NEB: variants seen among roughly 807,000 people sequenced by gnomAD.
NEB encodes nebulin.
NEB carries 512 observed loss-of-function variants against 952.2 expected under a neutral mutation model. The ratio of observed to expected loss-of-function variants is 0.54; its 90% CI spans 0.50 to 0.58. NEB has a LOEUF of 0.58. Ranked by LOEUF, NEB falls within the 20% of genes least tolerant of loss-of-function variation. NEB has a pLI of 0.00. For missense variants in NEB, 8,428 were observed against 9,231.1 expected (o/e 0.91, Z 3.56); for synonymous variants, 2,900 against 3,149.8 (o/e 0.92, Z 2.66).
intron 27 of NEB, 90 bp from the exon 28 acceptor site, chr2:151,685,065 T>C: frequency 1.5e-6 from 2 of 1,317,110 alleles, no homozygotes; most frequent in Non-Finnish European, 2.1e-6. Context: ...AAATACAAGT[T>C]AGAGAAAGAG....
chr2:151,730,615 T>TAAAAAA (rs1559717111), intron 3 of NEB, among the ~76,000 whole-genome samples: 1 of 73,556 alleles, frequency 1.4e-5, no homozygotes, highest in African/African-American at 4.1e-5. Context: ...CATTTCTTAG[T>TAAAAAA]GAAAAAAAAA....
intron 116 of NEB, 107 bp from the exon 117 acceptor site, chr2:151,565,255 C>G (rs1422647275): frequency 1.7e-5 from 12 of 715,186 alleles, no homozygotes; most frequent in African/African-American, 1.4e-4. Context: ...AACTAACCAA[C>G]TGGTTGAATT....
intron 32 of NEB, 64 bp downstream of exon 32, chr2:151,679,657 T>C (rs1576074164): frequency 1.3e-6 from 1 of 761,812 alleles, no homozygotes; most frequent in Admixed American, 1.9e-5. Context: ...TGGGTCATCG[T>C]CAGACCCCAA....
rs771483221 is a variant in NEB, at chr2:151,551,770, G to A, written c.19912C>T (p.Arg6638Trp). 74 of 1,613,444 alleles carry A rather than the reference G, an allele frequency of 4.6e-5. No homozygotes were observed. The highest frequency in any genetic ancestry group is 1.6e-4 in the Middle Eastern group (1 of 6,078). Residue 6638 changes from arginine (R) to tryptophan (W), a missense_variant, in exon 129 of 182, where the codon CGG (arginine) becomes TGG (tryptophan). Around this residue, in one of 11 missense-constraint regions of NEB, gnomAD observed 3,374 missense variants for 3,651.5 expected, o/e 0.92. Transcript: ENST00000397345. ...TGGAGCTTGTATGCATGAAGGGCCC[G>A]GTCCAGATCCACGGTTTTGGTAGTT... ...APTTKTVDLD[R>W]ALHAYKLQSS...
In NEB at chr2:151,724,955, A is replaced by G; in HGVS notation, c.409T>C (p.Tyr137His). The change falls in exon 7 of 182, where the codon TAT (tyrosine) becomes CAT (histidine). Residue 137 changes from tyrosine to histidine, a missense_variant. By Grantham distance (83) the Tyr-to-His change is moderately conservative. Coordinates refer to ENST00000397345, the MANE Select transcript of NEB (RefSeq NM_001164508.2). ...KVQDQLSEVK[Y>H]RMDGDVAKTI... ...TTAGCAACATCACCATCCATTCGATACTTAACCTGCCCAAATAATGCACAG... is the reference window on the plus strand; with the variant it reads ...TTAGCAACATCACCATCCATTCGATGCTTAACCTGCCCAAATAATGCACAG... 2 of 1,613,144 alleles carry G rather than the reference A, an allele frequency of 1.2e-6. No homozygotes were observed. The highest frequency in any genetic ancestry group is 1.7e-6 in the Non-Finnish European group (2 of 1,179,306).
chr2:151,711,666 T>C (rs1169052395), intron 10 of NEB, among the ~76,000 whole-genome samples: 1 of 152,198 alleles, frequency 6.6e-6, no homozygotes, highest in African/African-American at 2.4e-5. Context: ...CAAATATGAT[T>C]GTTTTCTCAG....
intron 28 of NEB, among the ~76,000 whole-genome samples, chr2:151,683,186 T>G (rs890244773): frequency 6.6e-6 from 1 of 152,218 alleles, no homozygotes; most frequent in Non-Finnish European, 1.5e-5. Flanking sequence ...TTTTCTAATT[T>G]CCTAATTGTA....
At chr2:151,640,843 A>G (rs1263986464) in intron 60 of NEB, among the ~76,000 whole-genome samples, 177 bp from the exon 61 acceptor site, 1 of 151,952 alleles carries the variant, frequency 6.6e-6, no homozygotes. Flanking sequence ...TATGAAATAT[A>G]TATCTTATAT....
At chr2:151,650,400 C>A (rs1292957405) in intron 53 of NEB, 21 bp from the exon 54 acceptor site, 2 of 1,604,806 alleles carry the variant, frequency 1.2e-6, no homozygotes, top group East Asian at 2.2e-5. Flanking sequence ...ACAGAGCAAG[C>A]CATCAAAATC....
rs767119043 is a variant in NEB at position 151,644,091 on chromosome 2, G to A, written c.7683C>T (p.His2561=). 1 of 1,613,960 alleles carries A rather than the reference G, an allele frequency of 6.2e-7. No individual in the cohort carries two copies. The highest frequency in any genetic ancestry group is 1.1e-5 in the South Asian group (1 of 91,072). The change falls in exon 57 of 182, where the codon CAC becomes CAT. Residue 2561 remains histidine, a synonymous_variant. Transcript: ENST00000397345. ...YKEGFRKQLG[H]HIGARNIEDD... is the part of the protein sequence containing the mutation. ...CTTCAATGTTCCGGGCACCAATGTG[G>A]TGGCCGAGCTGCTTGCGAAAGCCTT...
At position 151,679,890 on chromosome 2, in the gene NEB, G is replaced by A. The variant is rs769182402; in HGVS notation, c.3147+28C>T. ...CTGTGTTAGTAAAGTCTGGACATAC[G>A]CATCAGCCCGTGAGTCCACCCACGC... On this transcript the variant is annotated intron_variant, in intron 31 of 181. Coordinates refer to ENST00000397345, the MANE Select transcript of NEB (RefSeq NM_001164508.2). 1.3e-5 allele frequency: 21 copies of A among 1,604,424 alleles called. No homozygotes were observed. In the East Asian group the frequency reaches 2.0e-4, roughly 15 times the overall value.
chr2:151,540,614 C>T (rs1201413865), intron 137 of NEB, 83 bp downstream of exon 137: 1 of 1,283,642 alleles, frequency 7.8e-7, no homozygotes, highest in East Asian at 2.4e-5. Flanking sequence ...GTAATGAGCT[C>T]TCTGATCAGA....
intron 71 of NEB, among the ~76,000 whole-genome samples, chr2:151,623,023 A>G (rs549257129): frequency 2.6e-5 from 4 of 152,292 alleles, no homozygotes; most frequent in Admixed American, 1.3e-4. Context: ...AGAAGAGTGT[A>G]TGTATGGAAG....
At chr2:151,520,039 C>CAAA (rs5835369) in intron 153 of NEB, 3 of 157,848 alleles carry the variant, frequency 1.9e-5, no homozygotes, top group Non-Finnish European at 3.9e-5. Flanking sequence ...TAATGCAAAA[C>CAAA]AAAAAAAAAA....
intron 24 of NEB, chr2:151,689,631 T>A (rs6733811): frequency 1.3e-5 from 2 of 152,072 alleles, no homozygotes; most frequent in African/African-American, 2.4e-5. Context: ...AAGGCAAAAA[T>A]GCACAAGATT....
intron 3 of NEB, 28 bp downstream of exon 3, chr2:151,733,093 C>T (rs779619397): frequency 6.3e-7 from 1 of 1,582,932 alleles, no homozygotes; most frequent in Non-Finnish European, 8.6e-7. Context: ...AAATAGTTTG[C>T]TGTCAGTGTT....
chr2:151,675,277 C>T lies in NEB; in HGVS notation c.3879+10G>A. On this transcript the variant is annotated intron_variant, in intron 35 of 181. Transcript: ENST00000397345. ...TCCGAATTTCACATCCCAGCAAAGA[C>T]CCTACTTACGTCACTTATATTGTAA... The T allele has an allele frequency of 1.3e-6, 2 of 1,535,158 alleles. No individual in the cohort carries two copies. The highest frequency in any genetic ancestry group is 1.7e-4 in the Middle Eastern group (1 of 5,954).
At chr2:151,493,981 C>A (rs927000704) in intron 174 of NEB, 114 bp from the exon 175 acceptor site, 10 of 901,862 alleles carry the variant, frequency 1.1e-5, no homozygotes, top group Middle Eastern at 2.2e-4. Flanking sequence ...GTGAGAACAC[C>A]TCTCAAGAAG....
rs558189577 is a variant in NEB at position 151,606,908 on chromosome 2, T to C, written c.12640-195A>G. Among the ~76,000 whole-genome samples, 8 of 84,426 alleles carry C rather than the reference T, an allele frequency of 9.5e-5. 2 individuals are homozygous for C. The East Asian group carries it at 1.5e-3, about 16-fold the overall frequency. The allele number at this position is 84,426 out of a possible 152,430, so 55.4% of individuals were successfully genotyped here. ...ATACTTCTGGTTAAAATTTTAAAGC[T>C]AAACATCAAACTCTATTAATGTTTG... On this transcript the variant is annotated intron_variant, in intron 83 of 181. Coordinates refer to ENST00000397345, the MANE Select transcript of NEB (RefSeq NM_001164508.2).
Sources: allele counts gnomAD v4.1 joint callset (sites outside exome capture counted in the v4.1 genomes callset), GRCh38; gene constraint gnomAD v4.1.1; regional missense constraint gnomAD v4.1.1; transcripts MANE v1.5; gene names NCBI Gene and HGNC (gene_info 2026-07-23, HGNC 2026-07-21).